FHIP1A: variants seen among roughly 807,000 people sequenced by gnomAD.
FHIP1A encodes the protein FHF complex subunit HOOK interacting protein 1A, also known as FHF complex subunit HOOK-interacting protein 1A.
Under a neutral mutation model 88.6 loss-of-function variants are expected in FHIP1A, and 61 were observed. The observed-to-expected ratio is 0.69, with a 90% confidence interval of 0.56 to 0.85. The LOEUF is 0.85. Ranked by LOEUF, FHIP1A falls within the 40% of genes least tolerant of loss-of-function variation. The pLI is 0.00. For missense variants in FHIP1A, 1,154 were observed against 1,273.5 expected (o/e 0.91, Z 1.43); for synonymous variants, 478 against 496.0 (o/e 0.96, Z 0.48).
rs1220123514 is a variant in FHIP1A at position 151,650,129 on chromosome 4, G to A, written c.2088G>A (p.Glu696=). ...AGCCAGAGACAGATTCAGAGGAGGAGTGGAATAGGGACAATTCAGACCCGT... is the reference window on the plus strand; with the variant it reads ...AGCCAGAGACAGATTCAGAGGAGGAATGGAATAGGGACAATTCAGACCCGT... ...STQPETDSEE[E]WNRDNSDPFH... The change falls in exon 11 of 14, where the codon GAG becomes GAA. Residue 696 remains glutamate, a synonymous_variant. Transcript: ENST00000435205. The A allele has an allele frequency of 4.5e-6, 7 of 1,551,580 alleles. No individual in the cohort carries two copies. The highest frequency in any genetic ancestry group is 6.1e-6 in the Non-Finnish European group (7 of 1,146,996).
At chr4:151,413,943 T>A (rs1732781708) in intron 1 of FHIP1A, among the ~76,000 whole-genome samples, 1 of 152,168 alleles carries the variant, frequency 6.6e-6, no homozygotes, top group Non-Finnish European at 1.5e-5. Context: ...CCAGACAAGG[T>A]CAACTGTAGA....
At chr4:151,625,429 G>A (rs1198959108) in intron 7 of FHIP1A, among the ~76,000 whole-genome samples, 1 of 152,162 alleles carries the variant, frequency 6.6e-6, no homozygotes, top group East Asian at 1.9e-4. Context: ...AAAACAATTA[G>A]CAGCTTGGAA....
intron 8 of FHIP1A, among the ~76,000 whole-genome samples, chr4:151,634,403 GA>G (rs996354575): frequency 4.6e-5 from 7 of 151,230 alleles, no homozygotes; most frequent in African/African-American, 7.3e-5. Context: ...GGCAGAAATA[GA>G]AAAAAAATCC....
rs572080071 is a variant in FHIP1A at position 151,615,643 on chromosome 4, ATAATT to A, written c.979-14056_979-14052del. Among the ~76,000 whole-genome samples the A allele has an allele frequency of 4.6e-5, 7 of 152,304 alleles. No individual in the cohort carries two copies. In the South Asian group the frequency reaches 1.4e-3, roughly 32 times the overall value. On this transcript the variant is annotated intron_variant, in intron 7 of 13. Coordinates refer to ENST00000435205, the MANE Select transcript of FHIP1A (RefSeq NM_001109977.3). ...TTCATCCTCACATAGTCAACCTGTT[ATAATT>A]TAGAGTCTCATCACATATTAATCCT...
intron 3 of FHIP1A, among the ~76,000 whole-genome samples, chr4:151,510,373 T>G (rs1224235545): frequency 6.6e-6 from 1 of 152,200 alleles, no homozygotes; most frequent in Non-Finnish European, 1.5e-5. Context: ...CCTCTCAAAG[T>G]GCTGGGATTT....
intron 2 of FHIP1A, among the ~76,000 whole-genome samples, chr4:151,461,034 A>G (rs1276487170): frequency 2.0e-5 from 3 of 152,204 alleles, no homozygotes; most frequent in Non-Finnish European, 4.4e-5. Flanking sequence ...TAAGCATGAG[A>G]TAATTAGAAG....
intron 1 of FHIP1A, among the ~76,000 whole-genome samples, chr4:151,445,945 A>T (rs1458214058): frequency 6.7e-6 from 1 of 150,240 alleles, no homozygotes; most frequent in Non-Finnish European, 1.5e-5. Flanking sequence ...TTGTGTAATC[A>T]TATAATCATG....
chr4:151,583,977 G>A (rs149976591), intron 5 of FHIP1A, among the ~76,000 whole-genome samples: 14 of 151,954 alleles, frequency 9.2e-5, no homozygotes, highest in South Asian at 2.1e-4. Flanking sequence ...TGTATTTTCC[G>A]TACTTAACAT....
chr4:151,498,810 C>T (rs969464564), intron 3 of FHIP1A, among the ~76,000 whole-genome samples: 5 of 151,982 alleles, frequency 3.3e-5, no homozygotes, highest in Non-Finnish European at 5.9e-5. Context: ...AGTGAGACTC[C>T]GTCTCAAAAA....
chr4:151,564,010 C>A, intron 3 of FHIP1A, among the ~76,000 whole-genome samples: 1 of 151,832 alleles, frequency 6.6e-6, no homozygotes, highest in East Asian at 2.0e-4. Context: ...ACAACAACAA[C>A]CAACAAACAA....
At chr4:151,631,893 G>A (rs1016450154) in intron 8 of FHIP1A, among the ~76,000 whole-genome samples, 5 of 152,104 alleles carry the variant, frequency 3.3e-5, no homozygotes, top group African/African-American at 1.2e-4. Context: ...GAGGAATAAA[G>A]TAGCTGTAAG....
At chr4:151,450,392 G>A (rs1728749380) in intron 1 of FHIP1A, among the ~76,000 whole-genome samples, 1 of 152,020 alleles carries the variant, frequency 6.6e-6, no homozygotes, top group Non-Finnish European at 1.5e-5. Flanking sequence ...AAGAAGTATA[G>A]ACCATATACT....
intron 1 of FHIP1A, among the ~76,000 whole-genome samples, chr4:151,418,106 AG>A (rs1404294744): frequency 7.0e-6 from 1 of 142,236 alleles, no homozygotes; most frequent in Non-Finnish European, 1.5e-5. Context: ...CAGGAGTTTG[AG>A]GCTGCAGTGA....
chr4:151,662,328 A>G (rs1477648749), intron 13 of FHIP1A, among the ~76,000 whole-genome samples, 173 bp from the exon 14 acceptor site: 3 of 152,158 alleles, frequency 2.0e-5, no homozygotes, highest in African/African-American at 7.2e-5. Flanking sequence ...TTGGGCAAAT[A>G]TGTGTGTCAT....
At chr4:151,516,032 A>G (rs1242942915) in intron 3 of FHIP1A, among the ~76,000 whole-genome samples, 2 of 152,174 alleles carry the variant, frequency 1.3e-5, no homozygotes, top group Admixed American at 1.3e-4. Flanking sequence ...GAGGCATCAC[A>G]CTACCTGACT....
intron 3 of FHIP1A, among the ~76,000 whole-genome samples, chr4:151,563,026 A>T (rs1477608167): frequency 6.6e-6 from 1 of 152,120 alleles, no homozygotes; most frequent in Non-Finnish European, 1.5e-5. Context: ...ATAAAAATAG[A>T]TATAATTATT....
chr4:151,467,371 C>T (rs903189633), intron 2 of FHIP1A, among the ~76,000 whole-genome samples: 1 of 152,054 alleles, frequency 6.6e-6, no homozygotes, highest in African/African-American at 2.4e-5. Context: ...TTTACACTGT[C>T]GATGGGAATG....
chr4:151,616,518 G>A (rs1170172275), intron 7 of FHIP1A, among the ~76,000 whole-genome samples: 1 of 140,602 alleles, frequency 7.1e-6, no homozygotes, highest in Admixed American at 7.8e-5. Context: ...GTGCGATCTC[G>A]GCTCACTGCA....
chr4:151,517,343 C>G (rs1332084365), intron 3 of FHIP1A, among the ~76,000 whole-genome samples: 2 of 151,912 alleles, frequency 1.3e-5, no homozygotes, highest in East Asian at 1.9e-4. Context: ...GGAGATATAC[C>G]TAATGCTAAA....
Sources: gnomAD v4.1 joint callset for allele counts (sites outside exome capture counted in the v4.1 genomes callset) on GRCh38, gnomAD v4.1.1 for gene constraint, MANE v1.5 for transcripts, NCBI Gene and HGNC (gene_info 2026-07-23, HGNC 2026-07-21) for gene names.